The following RASEF variants were observed in gnomAD, a reference collection of about 807,000 sequenced individuals.
RASEF encodes the protein ras and EF-hand domain-containing protein.
In RASEF, 68 loss-of-function variants were observed where a neutral mutation model predicts 90.1. The ratio of observed to expected loss-of-function variants is 0.75; its 90% CI spans 0.62 to 0.92. The LOEUF (loss-of-function observed/expected upper bound fraction) is 0.92, where lower values mean the gene tolerates loss of function less well. Ranked by LOEUF, RASEF falls within the 40% of genes least tolerant of loss-of-function variation. RASEF has a pLI of 0.00. For missense variants in RASEF, 949 were observed against 937.2 expected, an observed-to-expected ratio of 1.01 and a Z score of -0.16; for synonymous variants, 331 against 345.2, an observed-to-expected ratio of 0.96 and a Z score of 0.46.
the RASEF span, among the ~76,000 whole-genome samples, chr9:83,083,717 T>G: frequency 6.6e-6 from 1 of 152,130 alleles, no homozygotes; most frequent in Non-Finnish European, 1.5e-5. Flanking sequence ...TGGCTACATA[T>G]TTAAGGGAAC....
At chr9:83,207,431 C>T in the RASEF span, among the ~76,000 whole-genome samples, 1 of 152,254 alleles carries the variant, frequency 6.6e-6, no homozygotes, top group Admixed American at 6.5e-5. Context: ...ATACCATGTG[C>T]ATCTGCAGTG....
upstream of RASEF, among the ~76,000 whole-genome samples, chr9:83,066,760 AAC>A (rs1349651936): frequency 6.6e-6 from 1 of 152,264 alleles, no homozygotes; most frequent in Non-Finnish European, 1.5e-5. Context: ...ACATTTGTAA[AAC>A]ACAAATAAAT....
intron 1 of RASEF, among the ~76,000 whole-genome samples, chr9:83,043,937 A>G (rs1160215826): frequency 6.6e-6 from 1 of 152,106 alleles, no homozygotes; most frequent in East Asian, 1.9e-4. Flanking sequence ...GTGATTTAAC[A>G]CCAGTGCCCG....
At chr9:83,191,926 G>A in the RASEF span, among the ~76,000 whole-genome samples, 3 of 152,062 alleles carry the variant, frequency 2.0e-5, no homozygotes, top group Admixed American at 2.0e-4. Flanking sequence ...TAGATATGTG[G>A]CCAAGAAGCA....
rs760993989 is a variant in RASEF at position 82,993,003 on chromosome 9, G to C, written c.1943C>G (p.Pro648Arg). 4 of 1,613,740 alleles carry C rather than the reference G, an allele frequency of 2.5e-6. No individual in the cohort carries two copies. In the East Asian group the frequency reaches 8.9e-5, roughly 36 times the overall value. Residue 648 changes from proline (P) to arginine (R), a missense_variant, in exon 15 of 17, where the codon CCC (proline) becomes CGC (arginine). Pro to Arg is a moderately radical substitution (Grantham distance 103). Around this residue, in one of 3 missense-constraint regions of RASEF, gnomAD observed 288 missense variants for 328.4 expected, o/e 0.88. Transcript: ENST00000376447. ...AGCCTTGTTTCCTACCAGCATAATG[G>C]GAACAGTCTCATGGGCTGCATCCTA... ...MIEDAAHETV[P>R]IMLVGNKADI...
chr9:83,152,735 TACAC>T, the RASEF span, among the ~76,000 whole-genome samples: 572 of 150,696 alleles, frequency 3.8e-3, 4 homozygotes, highest in African/African-American at 0.013. Context: ...CAGACACACA[TACAC>T]ACACACACAC....
Position 83,001,009 on chromosome 9 carries a change from T to C in RASEF, c.1324A>G (p.Thr442Ala). 1 of 1,614,126 alleles carries C rather than the reference T, an allele frequency of 6.2e-7. No individual in the cohort carries two copies. Among genetic ancestry groups the C allele is most frequent in the Non-Finnish European group, 8.5e-7 (1 of 1,180,028 alleles). The change falls in exon 10 of 17, where the codon ACC (threonine) becomes GCC (alanine). Residue 442 changes from threonine (T) to alanine (A), a missense_variant. This residue lies in a region of RASEF where 656 missense variants were observed against 592.2 expected (regional missense o/e 1.11). Transcript: ENST00000376447. ...TCATACTCATTGGGATCTCTCAAGG[T>C]AGACAAGCCGCTGTCGAAGCAGCTT... ...PESCFDSGLS[T>A]LRDPNEYDSE...
chr9:83,098,257 G>A, the RASEF span, among the ~76,000 whole-genome samples: 1 of 152,108 alleles, frequency 6.6e-6, no homozygotes, highest in Non-Finnish European at 1.5e-5. Context: ...ACAAGTTTAG[G>A]TCTAATAGGT....
In RASEF at chr9:83,030,351, C is replaced by T. The variant is rs1302820933; in HGVS notation, c.432-4430G>A. On this transcript the variant is annotated intron_variant, in intron 1 of 16. Coordinates refer to ENST00000376447, the MANE Select transcript of RASEF (RefSeq NM_152573.4). Reference sequence around the variant, plus strand: ...CAGCCTGGGTGACAGAGTGAGACTCCGTCACAAAAAAAAAAAAAAGATACT... The same window carrying T: ...CAGCCTGGGTGACAGAGTGAGACTCTGTCACAAAAAAAAAAAAAAGATACT... Among the ~76,000 whole-genome samples, 8 of 148,110 alleles carry T rather than the reference C, an allele frequency of 5.4e-5. No individual in the cohort carries two copies. The East Asian group carries it at 1.2e-3, about 22-fold the overall frequency.
At chr9:83,109,193 G>A in the RASEF span, among the ~76,000 whole-genome samples, 1 of 152,184 alleles carries the variant, frequency 6.6e-6, no homozygotes, top group African/African-American at 2.4e-5. Context: ...CATCTATTTA[G>A]CCCCCGTGGT....
Position 83,004,583 on chromosome 9 carries a change from T to C in RASEF, c.1117A>G (p.Ile373Val). Residue 373 changes from isoleucine to valine, a missense_variant, in exon 9 of 17, where the codon ATA (isoleucine) becomes GTA (valine). Physicochemically the swap from Ile to Val is conservative, Grantham distance 29. Transcript: ENST00000376447. ...SYSKFNRSLH[I>V]NNISPGNTIS... ...GTATTCCCTGGTGAGATATTATTTATATGCTGTAATATAGAAGTAATCATT... is the reference window on the plus strand; with the variant it reads ...GTATTCCCTGGTGAGATATTATTTACATGCTGTAATATAGAAGTAATCATT... The C allele has an allele frequency of 6.6e-7, 1 of 1,516,474 alleles. No individual in the cohort carries two copies. Among genetic ancestry groups the C allele is most frequent in the Non-Finnish European group, 9.2e-7 (1 of 1,091,336 alleles). The allele number at this position is 1,516,474 out of a possible 1,614,324, so 93.9% of individuals were successfully genotyped here. A position where few individuals can be genotyped will look rare whatever the true frequency, so the allele number is the denominator to read the frequency against.
At chr9:83,083,360 C>T in the RASEF span, among the ~76,000 whole-genome samples, 5 of 152,178 alleles carry the variant, frequency 3.3e-5, no homozygotes, top group South Asian at 2.1e-4. Flanking sequence ...CATTTTGAAA[C>T]GCATATATTT....
chr9:83,105,933 C>G, the RASEF span, among the ~76,000 whole-genome samples: 1 of 152,198 alleles, frequency 6.6e-6, no homozygotes, highest in African/African-American at 2.4e-5. Context: ...CTGCTGAGAT[C>G]ATCATCATCT....
the RASEF span, among the ~76,000 whole-genome samples, chr9:83,126,130 G>T: frequency 6.6e-6 from 1 of 152,236 alleles, no homozygotes; most frequent in African/African-American, 2.4e-5. Context: ...GTAACCTATT[G>T]CTATGGAGTA....
chr9:82,997,019 A>C lies in RASEF; in HGVS notation c.1913T>G (p.Met638Arg). The change falls in exon 14 of 17, where the codon ATG becomes AGG. Residue 638 changes from methionine (M) to arginine (R), a missense_variant. Met to Arg is a moderately conservative substitution (Grantham distance 91). Coordinates refer to ENST00000376447, the MANE Select transcript of RASEF (RefSeq NM_152573.4). ...SFLNIREWVD[M>R]IEDAAHETVP... The stretch of plus-strand genomic sequence containing the variant: ...TCCATTATGATTTCTTACCTCAATC[A>C]TATCTACCCATTCTCGTATGTTAAG... 1 of 1,572,520 alleles carries C rather than the reference A, an allele frequency of 6.4e-7. No individual in the cohort carries two copies. Among genetic ancestry groups the C allele is most frequent in the South Asian group, 1.1e-5 (1 of 90,136 alleles).
intron 1 of RASEF, among the ~76,000 whole-genome samples, chr9:83,041,156 C>T (rs892281316): frequency 1.3e-5 from 2 of 152,180 alleles, no homozygotes; most frequent in African/African-American, 2.4e-5. Context: ...CCACCGTGCC[C>T]GGTGCTCTGG....
the RASEF span, among the ~76,000 whole-genome samples, chr9:83,137,247 T>A: frequency 6.6e-6 from 1 of 152,152 alleles, no homozygotes; most frequent in African/African-American, 2.4e-5. Flanking sequence ...TATTAATTAG[T>A]ATTCCTACTT....
At chr9:83,042,898 T>C (rs571047971) in intron 1 of RASEF, among the ~76,000 whole-genome samples, 1 of 152,190 alleles carries the variant, frequency 6.6e-6, no homozygotes, top group Non-Finnish European at 1.5e-5. Context: ...CTGAGAATAG[T>C]AAAATGTCAT....
the RASEF span, among the ~76,000 whole-genome samples, chr9:83,085,264 G>A: frequency 6.6e-6 from 1 of 152,130 alleles, no homozygotes; most frequent in Non-Finnish European, 1.5e-5. Flanking sequence ...TATAAATTCA[G>A]TTATTCTAAA....
Sources: allele counts gnomAD v4.1 joint callset (sites outside exome capture counted in the v4.1 genomes callset), GRCh38; gene constraint gnomAD v4.1.1; regional missense constraint gnomAD v4.1.1; transcripts MANE v1.5; gene names NCBI Gene and HGNC (gene_info 2026-07-23, HGNC 2026-07-21).